Variants in ZMYND11 observed in about 807,000 individuals in gnomAD.
The protein encoded by ZMYND11 is zinc finger MYND domain-containing protein 11.
Under a neutral mutation model 84.9 loss-of-function variants are expected in ZMYND11, and 9 were observed. The observed-to-expected ratio is 0.11, with a 90% CI of 0.06 to 0.18. The LOEUF is 0.18. Ranked by LOEUF, ZMYND11 falls within the 10% of genes least tolerant of loss-of-function variation. The probability of loss-of-function intolerance (pLI) is 1.00; values close to 1 mark genes in which losing one functional copy is unlikely to be tolerated. For missense variants in ZMYND11, 409 were observed against 761.0 expected, an observed-to-expected ratio of 0.54 and a Z score of 5.44; for synonymous variants, 250 against 244.1, an observed-to-expected ratio of 1.02 and a Z score of -0.23.
At chr10:153,572 A>G (rs1298963048) in intron 1 of ZMYND11, among the ~76,000 whole-genome samples, 1 of 152,208 alleles carries the variant, frequency 6.6e-6, no homozygotes, top group African/African-American at 2.4e-5. Flanking sequence ...AGTAACATCT[A>G]CAGAATGTTT....
upstream of ZMYND11, chr10:134,832 G>C (rs1469221091): frequency 1.3e-5 from 2 of 152,102 alleles, no homozygotes; most frequent in African/African-American, 4.8e-5. Context: ...CATGTGTGGA[G>C]ACAGAGGAAT....
chr10:239,861 C>T (rs1411361511), intron 7 of ZMYND11, 195 bp from the exon 8 acceptor site: 7 of 563,854 alleles, frequency 1.2e-5, no homozygotes, highest in African/African-American at 9.5e-5. Context: ...TCTCTATACC[C>T]TGAGAATTAG....
At chr10:152,464 A>G (rs1419069719) in intron 1 of ZMYND11, among the ~76,000 whole-genome samples, 1 of 152,254 alleles carries the variant, frequency 6.6e-6, no homozygotes, top group African/African-American at 2.4e-5. Context: ...CAAAAGAGAC[A>G]AAGCCATTAC....
intron 10 of ZMYND11, among the ~76,000 whole-genome samples, chr10:242,766 T>C (rs1350007354): frequency 6.6e-6 from 1 of 152,214 alleles, no homozygotes; most frequent in African/African-American, 2.4e-5. Flanking sequence ...ATAGAGAAGC[T>C]ACACAATGAG....
chr10:133,382 C>G (rs946903486), upstream of ZMYND11, among the ~76,000 whole-genome samples: 3 of 152,044 alleles, frequency 2.0e-5, no homozygotes, highest in Non-Finnish European at 4.4e-5. Flanking sequence ...ATAAATACCA[C>G]CTTACTTGGA....
chr10:144,726 TATAAA>T (rs1221902222), intron 1 of ZMYND11, among the ~76,000 whole-genome samples: 1 of 144,878 alleles, frequency 6.9e-6, no homozygotes, highest in Non-Finnish European at 1.5e-5. Flanking sequence ...TATTTCTACA[TATAAA>T]ATATATATAT....
At chr10:199,501 T>C (rs905426439) in intron 2 of ZMYND11, among the ~76,000 whole-genome samples, 13 of 152,220 alleles carry the variant, frequency 8.5e-5, no homozygotes, top group African/African-American at 2.9e-4. Context: ...CAATCACAGC[T>C]CTCTTGCAGT....
chr10:137,676 C>G (rs148534600), intron 1 of ZMYND11, among the ~76,000 whole-genome samples: 1 of 152,026 alleles, frequency 6.6e-6, no homozygotes, highest in Non-Finnish European at 1.5e-5. Context: ...TTCTGAATGT[C>G]TTTTTACAAG....
intron 2 of ZMYND11, among the ~76,000 whole-genome samples, chr10:190,381 C>G (rs909878405): frequency 6.6e-6 from 1 of 152,154 alleles, no homozygotes. Context: ...CCTGCCTCTT[C>G]TGCACACCCT....
At chr10:193,859 C>T (rs1298068874) in intron 2 of ZMYND11, among the ~76,000 whole-genome samples, 2 of 152,112 alleles carry the variant, frequency 1.3e-5, no homozygotes, top group African/African-American at 4.8e-5. Context: ...TCTTGGTTAG[C>T]ATGTTTTGTG....
At chr10:236,791 A>C in intron 4 of ZMYND11, 47 bp from the exon 5 acceptor site, 3 of 1,503,860 alleles carry the variant, frequency 2.0e-6, no homozygotes, top group South Asian at 1.2e-5. Context: ...TATAGACATA[A>C]GAATGATCAG....
intron 2 of ZMYND11, chr10:198,060 T>C (rs751792708): frequency 1.9e-6 from 1 of 521,826 alleles, no homozygotes; most frequent in Non-Finnish European, 3.4e-6. Flanking sequence ...AATTTAATAA[T>C]GTAAAAAGAT....
rs376610167 is a variant in ZMYND11 at position 241,639 on chromosome 10, T to C, written c.832-382T>C. Among the ~76,000 whole-genome samples the C allele has an allele frequency of 2.6e-5, 4 of 152,238 alleles. No individual in the cohort carries two copies. In the South Asian group the frequency reaches 8.3e-4, roughly 31 times the overall value. On this transcript the variant is annotated intron_variant, in intron 9 of 14. Transcript: ENST00000381604. Reference sequence around the variant, plus strand: ...TCTGAGCATTCTTGGCCGGCAGCCTTGGCTGCCTGAGAGAAGCCAGCCCTG... The same window carrying C: ...TCTGAGCATTCTTGGCCGGCAGCCTCGGCTGCCTGAGAGAAGCCAGCCCTG...
chr10:224,516 T>C (rs1947748809), intron 4 of ZMYND11, among the ~76,000 whole-genome samples: 1 of 152,252 alleles, frequency 6.6e-6, no homozygotes, highest in Non-Finnish European at 1.5e-5. Flanking sequence ...TCTCTCTCAT[T>C]AAATTTTAGA....
intron 1 of ZMYND11, among the ~76,000 whole-genome samples, chr10:161,933 A>G (rs1310759425): frequency 6.6e-6 from 1 of 152,098 alleles, no homozygotes; most frequent in Non-Finnish European, 1.5e-5. Context: ...TCCTTCAAGA[A>G]CTTTACCTTT....
rs180731227 is a variant in ZMYND11 at position 200,382 on chromosome 10, A to G, written c.117-9507A>G. On this transcript the variant is annotated intron_variant, in intron 2 of 14. Transcript: ENST00000381604. ...TGTATATATGTGTATATATGTATAT[A>G]TAACAATATATATTATATATACACC... is the stretch of plus-strand genomic sequence containing the variant. 6.8e-5 allele frequency among the ~76,000 whole-genome samples: 10 copies of G among 146,236 alleles called. No individual in the cohort carries two copies. In the East Asian group the frequency reaches 1.8e-3, roughly 26 times the overall value.
chr10:224,453 A>G (rs1359658326), intron 4 of ZMYND11, among the ~76,000 whole-genome samples: 1 of 152,178 alleles, frequency 6.6e-6, no homozygotes, highest in African/African-American at 2.4e-5. Context: ...ATCAGATTAG[A>G]TTTTACTTTG....
At chr10:164,443 C>T (rs1843555140) in intron 1 of ZMYND11, among the ~76,000 whole-genome samples, 1 of 152,116 alleles carries the variant, frequency 6.6e-6, no homozygotes, top group Non-Finnish European at 1.5e-5. Flanking sequence ...AATACATGTC[C>T]GTCACAGATG....
intron 3 of ZMYND11, among the ~76,000 whole-genome samples, chr10:219,079 C>T (rs1946685424): frequency 6.6e-6 from 1 of 152,266 alleles, no homozygotes; most frequent in East Asian, 1.9e-4. Context: ...CCAGATGTTT[C>T]TCTTTTACTT....
Sources: gnomAD v4.1 joint callset for allele counts (sites outside exome capture counted in the v4.1 genomes callset) on GRCh38, gnomAD v4.1.1 for gene constraint, MANE v1.5 for transcripts, NCBI Gene and HGNC (gene_info 2026-07-23, HGNC 2026-07-21) for gene names.